TENM2: variants seen among roughly 807,000 people sequenced by gnomAD.
The protein encoded by TENM2 is teneurin-2.
A neutral mutation model predicts 245.2 loss-of-function variants in TENM2; 52 were observed. The observed-to-expected ratio is 0.21, with a 90% CI of 0.17 to 0.27. The LOEUF is 0.27. TENM2 is among the 10% of genes least tolerant of loss of function. TENM2 has a pLI of 1.00. For synonymous variants in TENM2, 1,363 were observed against 1,438.9 expected (o/e 0.95, Z 1.19); for missense variants, 3,046 against 3,666.8 (o/e 0.83, Z 4.37).
intron 8 of TENM2, among the ~76,000 whole-genome samples, chr5:168,092,088 T>C (rs370278499): frequency 4.6e-4 from 70 of 152,366 alleles, no homozygotes; most frequent in African/African-American, 1.6e-3. Context: ...AACTTTTCTA[T>C]TGGTCCCATG....
chr5:168,174,181 C>A (rs1461625583), intron 13 of TENM2, among the ~76,000 whole-genome samples: 1 of 152,152 alleles, frequency 6.6e-6, no homozygotes, highest in African/African-American at 2.4e-5. Context: ...TAAACACACA[C>A]ACCACAGCTG....
At chr5:167,205,297 C>T in the TENM2 span, among the ~76,000 whole-genome samples, 1 of 152,206 alleles carries the variant, frequency 6.6e-6, no homozygotes, top group Non-Finnish European at 1.5e-5. Flanking sequence ...ACGAGAATCG[C>T]TTGGACCTGG....
the TENM2 span, among the ~76,000 whole-genome samples, chr5:167,236,649 G>A: frequency 1.3e-5 from 2 of 152,188 alleles, no homozygotes; most frequent in Admixed American, 1.3e-4. Context: ...AACAGGGAAG[G>A]CCGCAGGAGG....
At chr5:167,348,326 T>G (rs1758603041) in intron 1 of TENM2, among the ~76,000 whole-genome samples, 2 of 152,178 alleles carry the variant, frequency 1.3e-5, no homozygotes, top group African/African-American at 4.8e-5. Flanking sequence ...AATCATTCAC[T>G]TAAGCATTAT....
intron 5 of TENM2, among the ~76,000 whole-genome samples, chr5:168,013,833 G>A (rs1037104702): frequency 2.6e-5 from 4 of 152,292 alleles, no homozygotes; most frequent in Admixed American, 6.5e-5. Context: ...GTCCAGCATC[G>A]CTGTGTCAGC....
At chr5:167,494,319 A>G (rs1384202902) in intron 2 of TENM2, among the ~76,000 whole-genome samples, 1 of 152,146 alleles carries the variant, frequency 6.6e-6, no homozygotes, top group Non-Finnish European at 1.5e-5. Context: ...AAAAAAACTT[A>G]CCTAAAGGGT....
exon 25 of TENM2, chr5:168,228,128 C>T: frequency 6.4e-7 from 1 of 1,572,658 alleles, no homozygotes; most frequent in Non-Finnish European, 8.5e-7. Flanking sequence ...CAGGAAGCTC[C>T]GGGTAAGTGG....
rs372007550 is a variant in TENM2 at position 167,881,253 on chromosome 5, A to T, written c.712+5058A>T. ...ATAGCTCACAGCAGTTATTATGCAC[A>T]TTGATGATTGTACAGTGCTGATAAT... On this transcript the variant is annotated intron_variant, in intron 3 of 28. Transcript: ENST00000518659. Among the ~76,000 whole-genome samples the T allele has an allele frequency of 4.6e-5, 7 of 152,348 alleles. No homozygotes were observed. In the East Asian group the frequency reaches 1.4e-3, roughly 29 times the overall value.
chr5:167,408,218 A>G (rs920145223), intron 2 of TENM2, among the ~76,000 whole-genome samples: 2 of 152,160 alleles, frequency 1.3e-5, no homozygotes, highest in Non-Finnish European at 2.9e-5. Flanking sequence ...CTTTCCAATC[A>G]TTTCAACTCC....
intron 2 of TENM2, among the ~76,000 whole-genome samples, chr5:167,493,937 G>C (rs969289814): frequency 5.9e-5 from 9 of 152,196 alleles, no homozygotes; most frequent in African/African-American, 2.2e-4. Flanking sequence ...GACCCACCTG[G>C]CTAAGGGGAT....
the TENM2 span, among the ~76,000 whole-genome samples, chr5:167,065,954 T>A: frequency 6.6e-6 from 1 of 152,194 alleles, no homozygotes; most frequent in Admixed American, 6.5e-5. Flanking sequence ...GCTGTCACTT[T>A]GTAGCTCTGG....
chr5:167,774,081 A>G (rs1279941420), intron 2 of TENM2, among the ~76,000 whole-genome samples: 1 of 145,030 alleles, frequency 6.9e-6, no homozygotes, highest in Admixed American at 7.0e-5. Context: ...TGGTTCTTAC[A>G]TTGCTGCAAG....
intron 3 of TENM2, among the ~76,000 whole-genome samples, chr5:167,930,229 C>A (rs1196759500): frequency 6.6e-6 from 1 of 152,090 alleles, no homozygotes; most frequent in African/African-American, 2.4e-5. Context: ...GTGACATGGC[C>A]TGAGACACAT....
chr5:167,833,003 AT>A (rs1768644851), intron 2 of TENM2, among the ~76,000 whole-genome samples: 2 of 152,154 alleles, frequency 1.3e-5, no homozygotes, highest in South Asian at 4.1e-4. Context: ...GAGTGGTTCT[AT>A]CTAGAAAGAG....
the TENM2 span, among the ~76,000 whole-genome samples, chr5:167,071,558 A>C: frequency 2.0e-5 from 3 of 152,184 alleles, no homozygotes; most frequent in Non-Finnish European, 4.4e-5. Flanking sequence ...AAAGACACAT[A>C]ATCTTGATTA....
chr5:167,716,952 T>A (rs112663374), intron 2 of TENM2, among the ~76,000 whole-genome samples: 1,606 of 142,340 alleles, frequency 0.011, 28 homozygotes, highest in African/African-American at 0.039. Flanking sequence ...TTCTATTCTA[T>A]TCTATTTTAT....
Position 167,555,097 on chromosome 5 carries a change from A to G in TENM2, c.502+179624A>G, listed in dbSNP as rs138779432. The stretch of plus-strand genomic sequence containing the variant: ...CACAGTCATGCGCGTGCACGCACAC[A>G]CACACATGCATACACACATGCACAC... On this transcript the variant is annotated intron_variant, in intron 2 of 28. Transcript: ENST00000518659. Among the ~76,000 whole-genome samples the G allele has an allele frequency of 4.3e-4, 66 of 152,310 alleles. 1 individual carries two copies. The highest frequency in any genetic ancestry group is 1.7e-3 in the Admixed American group (26 of 15,300).
the TENM2 span, among the ~76,000 whole-genome samples, chr5:167,154,100 G>A: frequency 2.0e-5 from 3 of 152,108 alleles, no homozygotes; most frequent in African/African-American, 7.2e-5. Context: ...TGTTTATATT[G>A]TCCAGACCAG....
At chr5:167,569,999 T>A (rs1774165066) in intron 2 of TENM2, among the ~76,000 whole-genome samples, 1 of 152,144 alleles carries the variant, frequency 6.6e-6, no homozygotes, top group African/African-American at 2.4e-5. Context: ...AAGGATATAC[T>A]TGTGGAGGAC....
Sources: allele counts gnomAD v4.1 joint callset (sites outside exome capture counted in the v4.1 genomes callset), GRCh38; gene constraint gnomAD v4.1.1; transcripts MANE v1.5; gene names NCBI Gene and HGNC (gene_info 2026-07-23, HGNC 2026-07-21).